ACAD10: variants seen among roughly 807,000 people sequenced by gnomAD.
The protein encoded by ACAD10 is acyl-CoA dehydrogenase family member 10, also known as ACAD-10.
Under a neutral mutation model 116.8 loss-of-function variants are expected in ACAD10, and 112 were observed. The ratio of observed to expected loss-of-function variants is 0.96; its 90% CI spans 0.82 to 1.12. The LOEUF is 1.12. ACAD10 is among the 50% of genes most tolerant of loss of function. The pLI is 0.00. For synonymous variants in ACAD10, 486 were observed against 510.6 expected (o/e 0.95, Z 0.65); for missense variants, 1,259 against 1,350.2 (o/e 0.93, Z 1.06).
chr12:111,710,430 C>T, intron 5 of ACAD10: 1 of 333,446 alleles, frequency 3.0e-6, no homozygotes, highest in African/African-American at 2.2e-5. Flanking sequence ...AGCTGATGGG[C>T]CTGTAGGGTA....
chr12:111,756,046 C>A, intron 20 of ACAD10: 2 of 1,082,052 alleles, frequency 1.8e-6, no homozygotes, highest in East Asian at 5.4e-5. Context: ...AGCCCAGAGC[C>A]CAGGCTCTTT....
chr12:111,728,130 C>T lies in ACAD10; in HGVS notation c.1230C>T (p.Asp410=). ...SVDLQAVGLE[D]YGKQGDYIPR... Reference sequence around the variant, plus strand: ...ATCTGCAGGCTGTGGGACTTGAAGACTATGGGAAGCAAGGTGAGCAGGAGG... The same window carrying T: ...ATCTGCAGGCTGTGGGACTTGAAGATTATGGGAAGCAAGGTGAGCAGGAGG... Residue 410 remains aspartate, a synonymous_variant, in exon 9 of 21, where the codon GAC becomes GAT. Coordinates refer to ENST00000313698, the MANE Select transcript of ACAD10 (RefSeq NM_025247.6). 3 of 1,605,042 alleles carry T rather than the reference C, an allele frequency of 1.9e-6. No individual in the cohort carries two copies. The highest frequency in any genetic ancestry group is 2.6e-6 in the Non-Finnish European group (3 of 1,175,422).
At chr12:111,741,072 T>A (rs1289371874) in intron 12 of ACAD10, among the ~76,000 whole-genome samples, 1 of 152,116 alleles carries the variant, frequency 6.6e-6, no homozygotes, top group Non-Finnish European at 1.5e-5. Flanking sequence ...GTCCTGGAGA[T>A]ACACAGTCAT....
At chr12:111,730,717 T>C (rs551378747) in intron 10 of ACAD10, among the ~76,000 whole-genome samples, 18 of 151,980 alleles carry the variant, frequency 1.2e-4, no homozygotes, top group Non-Finnish European at 2.4e-4. Flanking sequence ...TAAACAAGAC[T>C]AGACAGTGAA....
At chr12:111,726,601 C>A (rs1593038622) in intron 8 of ACAD10, among the ~76,000 whole-genome samples, 1 of 152,164 alleles carries the variant, frequency 6.6e-6, no homozygotes, top group Non-Finnish European at 1.5e-5. Context: ...GTGGCTCACG[C>A]CTGTAATCCC....
At chr12:111,739,921 A>G (rs2135984044) in intron 12 of ACAD10, among the ~76,000 whole-genome samples, 1 of 152,342 alleles carries the variant, frequency 6.6e-6, no homozygotes, top group East Asian at 1.9e-4. Context: ...GATATGAAGA[A>G]GTTAACAGTT....
rs764522415 is a variant in ACAD10, at chr12:111,733,913, G to T, written c.1395-10G>T. On this transcript the variant is annotated splice_polypyrimidine_tract_variant and intron_variant, in intron 10 of 20. Transcript: ENST00000313698. ...TTAGTGCTGTCTCTATTCCTCCTGCGACTTTTCAGGCTCGACAACCTGGTG... is the reference window on the plus strand; with the variant it reads ...TTAGTGCTGTCTCTATTCCTCCTGCTACTTTTCAGGCTCGACAACCTGGTG... The T allele has an allele frequency of 6.2e-7, 1 of 1,614,048 alleles. No homozygotes were observed.
intron 8 of ACAD10, among the ~76,000 whole-genome samples, chr12:111,726,438 A>T (rs567686168): frequency 6.6e-6 from 1 of 152,334 alleles, no homozygotes; most frequent in East Asian, 1.9e-4. Context: ...CCTTATTGGA[A>T]CCAGAGACCA....
intron 6 of ACAD10, 85 bp downstream of exon 6, chr12:111,712,742 G>C: frequency 7.0e-7 from 1 of 1,433,254 alleles, no homozygotes; most frequent in Non-Finnish European, 9.6e-7. Context: ...CTAATGGAAT[G>C]GGCTGGAGAC....
intron 12 of ACAD10, among the ~76,000 whole-genome samples, chr12:111,739,023 G>A (rs2135983384): frequency 6.6e-6 from 1 of 152,102 alleles, no homozygotes; most frequent in South Asian, 2.1e-4. Context: ...TCAAGCATTT[G>A]TCCTGTCTTT....
chr12:111,725,511 C>CT lies in ACAD10; in HGVS notation c.1062-2440dup, dbSNP rs1261259525. Among the ~76,000 whole-genome samples the CT allele has an allele frequency of 2.2e-3, 320 of 145,932 alleles. 6 individuals carry two copies. In the East Asian group the frequency reaches 0.049, roughly 22 times the overall value. On this transcript the variant is annotated intron_variant, in intron 8 of 20. Coordinates refer to ENST00000313698, the MANE Select transcript of ACAD10 (RefSeq NM_025247.6). ...GCTGGATGATAGAGTGAGACCCTGT[C>CT]TTTTTTTTTTTCCTTTCTTTTCTTC...
At chr12:111,703,238 T>C (rs948619927) in intron 3 of ACAD10, among the ~76,000 whole-genome samples, 13 of 152,208 alleles carry the variant, frequency 8.5e-5, no homozygotes, top group Middle Eastern at 3.4e-3. Flanking sequence ...CTGTGCCCTT[T>C]CCAGGCCTGC....
rs754213185 is a variant in ACAD10, at chr12:111,753,790, T to C, written c.2836T>C (p.Phe946Leu). ...MKARVKSRLA[F>L]GKPLVEQGTV... ...TCGACAGGTGAAGTCCCGCTTGGCTTTTGGGAAGCCCCTGGTGGAGCAGGG... is the reference window on the plus strand; with the variant it reads ...TCGACAGGTGAAGTCCCGCTTGGCTCTTGGGAAGCCCCTGGTGGAGCAGGG... The change falls in exon 19 of 21, where the codon TTT (phenylalanine) becomes CTT (leucine). Residue 946 changes from phenylalanine (F) to leucine (L), a missense_variant. By Grantham distance (22) the Phe-to-Leu change is conservative. Coordinates refer to ENST00000313698, the MANE Select transcript of ACAD10 (RefSeq NM_025247.6). 6.2e-7 allele frequency: 1 copy of C among 1,613,970 alleles called. No individual in the cohort carries two copies. The highest frequency in any genetic ancestry group is 1.7e-5 in the Admixed American group (1 of 60,024).
chr12:111,735,735 G>C (rs769148780), intron 11 of ACAD10, among the ~76,000 whole-genome samples: 1 of 152,090 alleles, frequency 6.6e-6, no homozygotes, highest in African/African-American at 2.4e-5. Flanking sequence ...GATTACAGGC[G>C]TGAGCCACTG....
Position 111,702,206 on chromosome 12 carries a change from G to T in ACAD10, c.232G>T (p.Ala78Ser). 1 of 1,614,112 alleles carries T rather than the reference G, an allele frequency of 6.2e-7. No homozygotes were observed. Among genetic ancestry groups the T allele is most frequent in the South Asian group, 1.1e-5 (1 of 91,084 alleles). Residue 78 changes from alanine to serine, a missense_variant, in exon 3 of 21, where the codon GCC becomes TCC. By Grantham distance (99) the Ala-to-Ser change is moderately conservative. Coordinates refer to ENST00000313698, the MANE Select transcript of ACAD10 (RefSeq NM_025247.6). The stretch of plus-strand genomic sequence containing the variant: ...TATCCCTTCTGGAACTATATTAAAG[G>T]CCTTGATGGAAGGTGGTGAAAATGG... ...NRIPSGTILK[A>S]LMEGGENGPW...
intron 10 of ACAD10, among the ~76,000 whole-genome samples, chr12:111,732,366 TATATC>T (rs1412843360): frequency 3.3e-5 from 5 of 152,212 alleles, no homozygotes; most frequent in African/African-American, 1.2e-4. Context: ...AAAAGGGTAA[TATATC>T]ATTTATGAAA....
At chr12:111,745,070 G>A in intron 13 of ACAD10, 27 bp downstream of exon 13, 1 of 1,601,190 alleles carries the variant, frequency 6.2e-7, no homozygotes, top group Non-Finnish European at 8.5e-7. Flanking sequence ...GAGGTGGTAA[G>A]ACCCCAATAC....
chr12:111,753,548 C>T (rs922819740), intron 18 of ACAD10: 3 of 711,168 alleles, frequency 4.2e-6, no homozygotes, highest in African/African-American at 3.5e-5. Flanking sequence ...TGGGCTGTGG[C>T]TGGCTGTGGC....
intron 20 of ACAD10, 122 bp downstream of exon 20, chr12:111,755,867 T>C (rs1370060575): frequency 7.1e-6 from 7 of 990,500 alleles, no homozygotes; most frequent in Non-Finnish European, 9.5e-6. Flanking sequence ...CCACTCACCA[T>C]GCATGCAACT....
Sources: allele counts gnomAD v4.1 joint callset (sites outside exome capture counted in the v4.1 genomes callset), GRCh38; gene constraint gnomAD v4.1.1; transcripts MANE v1.5; gene names NCBI Gene and HGNC (gene_info 2026-07-23, HGNC 2026-07-21).